Variants in TAFA1 observed in about 807,000 individuals in gnomAD.
The protein encoded by TAFA1 is chemokine-like protein TAFA-1.
Under a neutral mutation model 18.5 loss-of-function variants are expected in TAFA1, and 4 were observed. The ratio of observed to expected loss-of-function variants is 0.22; its 90% confidence interval spans 0.11 to 0.49. The LOEUF (loss-of-function observed/expected upper bound fraction) is 0.49. Ranked by LOEUF, TAFA1 falls within the 20% of genes least tolerant of loss-of-function variation. The pLI, the probability that TAFA1 is intolerant of heterozygous loss-of-function variation, is 0.98. For missense variants in TAFA1, 147 were observed against 169.0 expected (o/e 0.87, Z 0.72); for synonymous variants, 56 against 55.2 (o/e 1.01, Z -0.06).
At chr3:68,528,895 G>A (rs1397985233) in intron 3 of TAFA1, among the ~76,000 whole-genome samples, 1 of 152,082 alleles carries the variant, frequency 6.6e-6, no homozygotes, top group African/African-American at 2.4e-5. Context: ...AATTGATGAT[G>A]CCAATGAAGA....
At chr3:68,261,178 T>C (rs193171166) in intron 2 of TAFA1, among the ~76,000 whole-genome samples, 19 of 152,298 alleles carry the variant, frequency 1.2e-4, no homozygotes, top group Admixed American at 1.1e-3. Flanking sequence ...TCATCATCAC[T>C]GGCCATCAGA....
chr3:68,427,950 A>G (rs911027031), intron 3 of TAFA1, among the ~76,000 whole-genome samples: 1 of 152,026 alleles, frequency 6.6e-6, no homozygotes, highest in East Asian at 1.9e-4. Context: ...TGCCAGGATT[A>G]TGAGCCATCC....
At chr3:68,148,944 T>C (rs2065774378) in intron 2 of TAFA1, among the ~76,000 whole-genome samples, 1 of 152,236 alleles carries the variant, frequency 6.6e-6, no homozygotes, top group African/African-American at 2.4e-5. Context: ...GCCTTGGATG[T>C]ATACATAAAA....
At chr3:68,008,936 G>A (rs1019217625) in intron 2 of TAFA1, among the ~76,000 whole-genome samples, 1 of 152,076 alleles carries the variant, frequency 6.6e-6, no homozygotes, top group Non-Finnish European at 1.5e-5. Flanking sequence ...GCGGGGAGAG[G>A]TGGGGTGTAA....
intron 2 of TAFA1, among the ~76,000 whole-genome samples, chr3:68,380,489 G>A (rs2069922803): frequency 6.6e-6 from 1 of 152,108 alleles, no homozygotes; most frequent in African/African-American, 2.4e-5. Context: ...ATCTCATTGT[G>A]GTTTTGATTT....
intron 3 of TAFA1, among the ~76,000 whole-genome samples, chr3:68,512,029 T>A (rs2072854708): frequency 6.6e-6 from 1 of 152,062 alleles, no homozygotes; most frequent in Admixed American, 6.6e-5. Context: ...ACATTATGAT[T>A]ATCCCTATCT....
At chr3:68,209,398 C>G (rs1575681053) in intron 2 of TAFA1, among the ~76,000 whole-genome samples, 1 of 152,010 alleles carries the variant, frequency 6.6e-6, no homozygotes, top group Admixed American at 6.6e-5. Flanking sequence ...CATTATACAG[C>G]AGTAATTTCC....
intron 3 of TAFA1, among the ~76,000 whole-genome samples, chr3:68,444,615 C>G (rs1451213513): frequency 6.6e-6 from 1 of 151,874 alleles, no homozygotes; most frequent in Non-Finnish European, 1.5e-5. Flanking sequence ...TAAAATGCTG[C>G]TGCTAGCTCT....
chr3:68,295,116 G>A (rs999896745), intron 2 of TAFA1, among the ~76,000 whole-genome samples: 1 of 76,340 alleles, frequency 1.3e-5, no homozygotes, highest in Non-Finnish European at 2.5e-5. Context: ...AGCCCTAACA[G>A]TTGAATGAGA....
chr3:68,102,706 T>TA, intron 2 of TAFA1, among the ~76,000 whole-genome samples: 1 of 152,352 alleles, frequency 6.6e-6, no homozygotes, highest in Non-Finnish European at 1.5e-5. Context: ...AACTTGTTTT[T>TA]ACCATTGGCC....
At chr3:68,368,719 A>G (rs2069621432) in intron 2 of TAFA1, among the ~76,000 whole-genome samples, 1 of 152,188 alleles carries the variant, frequency 6.6e-6, no homozygotes, top group Non-Finnish European at 1.5e-5. Flanking sequence ...GGGGAACCCA[A>G]AATAAAAATC....
At chr3:68,261,236 A>C (rs1433806066) in intron 2 of TAFA1, among the ~76,000 whole-genome samples, 1 of 152,208 alleles carries the variant, frequency 6.6e-6, no homozygotes, top group Non-Finnish European at 1.5e-5. Context: ...CACCAGTTAG[A>C]ATGGCAATCA....
chr3:68,380,466 G>A (rs2069921296), intron 2 of TAFA1, among the ~76,000 whole-genome samples: 1 of 152,266 alleles, frequency 6.6e-6, no homozygotes, highest in African/African-American at 2.4e-5. Flanking sequence ...CATTCTAACT[G>A]GTGTGTGATG....
intron 2 of TAFA1, among the ~76,000 whole-genome samples, chr3:68,104,408 C>G (rs1196236195): frequency 2.6e-5 from 4 of 151,688 alleles, no homozygotes; most frequent in Non-Finnish European, 4.4e-5. Context: ...AAATTTATTA[C>G]TTTTTATTTA....
At chr3:68,540,667 A>T (rs1203453233) in intron 4 of TAFA1, among the ~76,000 whole-genome samples, 2 of 152,188 alleles carry the variant, frequency 1.3e-5, no homozygotes, top group African/African-American at 4.8e-5. Context: ...TCTTATTCTC[A>T]TGGTGTCTCC....
chr3:68,127,744 A>T (rs1344981423), intron 2 of TAFA1, among the ~76,000 whole-genome samples: 2 of 94,344 alleles, frequency 2.1e-5, no homozygotes, highest in African/African-American at 7.7e-5. Context: ...GGTGGTGATG[A>T]TGGTAGCGGT....
intron 3 of TAFA1, among the ~76,000 whole-genome samples, chr3:68,418,182 G>T (rs1372845992): frequency 6.6e-6 from 1 of 152,146 alleles, no homozygotes; most frequent in Non-Finnish European, 1.5e-5. Context: ...AACAGGCTTT[G>T]TGTGAGCAAT....
intron 2 of TAFA1, among the ~76,000 whole-genome samples, chr3:68,084,217 C>T (rs894312917): frequency 3.3e-5 from 5 of 152,102 alleles, no homozygotes; most frequent in Admixed American, 2.0e-4. Context: ...GTGGCAGGCA[C>T]CTCTTTAGTG....
chr3:68,463,686 AG>A (rs2071827777), intron 3 of TAFA1, among the ~76,000 whole-genome samples: 1 of 152,292 alleles, frequency 6.6e-6, no homozygotes, highest in East Asian at 1.9e-4. Context: ...CCCAAGGAGA[AG>A]CTTTGCTAGT....
Sources: allele counts gnomAD v4.1 joint callset (sites outside exome capture counted in the v4.1 genomes callset), GRCh38; gene constraint gnomAD v4.1.1; transcripts MANE v1.5; gene names NCBI Gene and HGNC (gene_info 2026-07-23, HGNC 2026-07-21).